The following SYT1 variants were observed in gnomAD, a reference collection of about 807,000 sequenced individuals.
SYT1 encodes the protein synaptotagmin-1.
A neutral mutation model predicts 44.8 loss-of-function variants in SYT1; 8 were observed. The observed-to-expected ratio is 0.18, with a 90% confidence interval of 0.10 to 0.32. The LOEUF (loss-of-function observed/expected upper bound fraction) is 0.32. Among genes scored for constraint, SYT1 ranks in the 10% least tolerant of loss-of-function variants. The probability of loss-of-function intolerance (pLI) is 1.00; values close to 1 mark genes in which losing one functional copy is unlikely to be tolerated. For missense variants in SYT1, 286 were observed against 509.3 expected (o/e 0.56, Z 4.22); for synonymous variants, 154 against 188.8 (o/e 0.82, Z 1.51).
intron 9 of SYT1, among the ~76,000 whole-genome samples, chr12:79,421,365 A>ATTTCTAAGGTGCGCCATT (rs1869103898): frequency 1.3e-5 from 2 of 152,042 alleles, no homozygotes; most frequent in African/African-American, 4.8e-5. Context: ...TGTTTTATAA[A>ATTTCTAAGGTGCGCCATT]TTTCTAAGGT....
intron 3 of SYT1, among the ~76,000 whole-genome samples, chr12:79,211,528 G>A (rs1874450420): frequency 6.6e-6 from 1 of 151,580 alleles, no homozygotes. Flanking sequence ...CCATGCTGGT[G>A]CGCTGCACCC....
chr12:79,249,084 C>CTTTT (rs1247842678), intron 4 of SYT1, among the ~76,000 whole-genome samples: 1 of 67,410 alleles, frequency 1.5e-5, no homozygotes, highest in East Asian at 3.3e-4. Flanking sequence ...CTCTTTACCT[C>CTTTT]TTTCTTTTTT....
intron 1 of SYT1, among the ~76,000 whole-genome samples, chr12:78,876,507 G>A (rs1201176114): frequency 1.6e-5 from 2 of 125,348 alleles, no homozygotes; most frequent in Non-Finnish European, 3.3e-5. Context: ...GCTCCATCAG[G>A]CTCTTTTGTA....
chr12:78,887,211 G>A (rs79008997), intron 1 of SYT1, among the ~76,000 whole-genome samples: 1 of 152,000 alleles, frequency 6.6e-6, no homozygotes, highest in African/African-American at 2.4e-5. Context: ...TCCTGCCCAG[G>A]ACATGAGTCA....
At chr12:79,389,213 A>G (rs186792411) in intron 9 of SYT1, among the ~76,000 whole-genome samples, 2 of 152,236 alleles carry the variant, frequency 1.3e-5, no homozygotes, top group Non-Finnish European at 2.9e-5. Context: ...AAACTGTACT[A>G]TAGAACGTCT....
chr12:78,873,716 C>T (rs958867569), intron 1 of SYT1, among the ~76,000 whole-genome samples: 2 of 151,662 alleles, frequency 1.3e-5, no homozygotes, highest in African/African-American at 4.8e-5. Context: ...TGTTCCTTCA[C>T]ATAACATTAG....
At chr12:79,224,498 G>A (rs1875369724) in intron 4 of SYT1, among the ~76,000 whole-genome samples, 1 of 151,960 alleles carries the variant, frequency 6.6e-6, no homozygotes, top group African/African-American at 2.4e-5. Flanking sequence ...CTGGCAAATA[G>A]AACCAAGGCC....
intron 3 of SYT1, among the ~76,000 whole-genome samples, chr12:79,131,930 T>C (rs562664665): frequency 6.1e-4 from 93 of 152,318 alleles, no homozygotes; most frequent in African/African-American, 2.2e-3. Flanking sequence ...TGTATGGAGC[T>C]ATGATAATTT....
At chr12:79,233,967 T>G (rs1876024855) in intron 4 of SYT1, among the ~76,000 whole-genome samples, 1 of 152,172 alleles carries the variant, frequency 6.6e-6, no homozygotes, top group Non-Finnish European at 1.5e-5. Flanking sequence ...GGCCATTCCC[T>G]TAGGCAGGGA....
chr12:79,193,461 T>C (rs917965966), intron 3 of SYT1, among the ~76,000 whole-genome samples: 1 of 152,194 alleles, frequency 6.6e-6, no homozygotes, highest in Middle Eastern at 3.2e-3. Flanking sequence ...CCTATCAATA[T>C]GGTGAGTTAA....
intron 8 of SYT1, among the ~76,000 whole-genome samples, chr12:79,301,865 A>G (rs1880168153): frequency 1.3e-5 from 2 of 152,104 alleles, no homozygotes; most frequent in African/African-American, 4.8e-5. Context: ...CAGTTAGACT[A>G]TTTCTCTTTA....
chr12:79,238,886 C>A (rs1876342061), intron 4 of SYT1, among the ~76,000 whole-genome samples: 1 of 152,164 alleles, frequency 6.6e-6, no homozygotes, highest in Non-Finnish European at 1.5e-5. Flanking sequence ...GTTGCTGAGA[C>A]CTCATTAACA....
intron 10 of SYT1, among the ~76,000 whole-genome samples, chr12:79,444,691 AT>A (rs1870608392): frequency 6.6e-6 from 1 of 152,178 alleles, no homozygotes; most frequent in Admixed American, 6.6e-5. Flanking sequence ...GTTTTCAATT[AT>A]TTAAATCCAG....
intron 1 of SYT1, among the ~76,000 whole-genome samples, chr12:78,922,458 CAT>C (rs934293829): frequency 1.3e-5 from 2 of 151,178 alleles, no homozygotes; most frequent in African/African-American, 2.4e-5. Flanking sequence ...CTTAAGAAAA[CAT>C]ATTATAAAGT....
chr12:79,132,674 CAAAAAAAAAAAAAAA>C (rs71091641), intron 3 of SYT1, among the ~76,000 whole-genome samples: 8 of 43,716 alleles, frequency 1.8e-4, no homozygotes, highest in African/African-American at 5.7e-4. Context: ...GGAGTTTTCT[CAAAAAAAAAAAAAAA>C]AAAAAAAAAA....
intron 4 of SYT1, among the ~76,000 whole-genome samples, chr12:79,223,286 G>A (rs1474401383): frequency 2.0e-5 from 3 of 152,240 alleles, no homozygotes; most frequent in Non-Finnish European, 2.9e-5. Flanking sequence ...GTAGGGTGTG[G>A]TGCTAGAGTG....
chr12:79,030,027 G>A (rs1400691521), intron 2 of SYT1, among the ~76,000 whole-genome samples: 1 of 150,962 alleles, frequency 6.6e-6, no homozygotes, highest in Non-Finnish European at 1.5e-5. Flanking sequence ...TCTTCAACAT[G>A]TGATGAATTT....
intron 1 of SYT1, among the ~76,000 whole-genome samples, chr12:78,897,396 G>A (rs1213726262): frequency 6.6e-6 from 1 of 151,812 alleles, no homozygotes; most frequent in Admixed American, 6.6e-5. Flanking sequence ...CCAGAAGCTA[G>A]ATTGTTTTGT....
At chr12:78,971,934 A>G (rs923630095) in intron 1 of SYT1, among the ~76,000 whole-genome samples, 1 of 152,122 alleles carries the variant, frequency 6.6e-6, no homozygotes, top group Non-Finnish European at 1.5e-5. Flanking sequence ...AAATGCATAA[A>G]CATGTATAAT....
Sources: gnomAD v4.1 joint callset for allele counts (sites outside exome capture counted in the v4.1 genomes callset) on GRCh38, gnomAD v4.1.1 for gene constraint, MANE v1.5 for transcripts, NCBI Gene and HGNC (gene_info 2026-07-23, HGNC 2026-07-21) for gene names.